Variants in WNT3 observed in about 807,000 individuals in gnomAD.
WNT3 encodes Wnt family member 3, also known as proto-oncogene Wnt-3.
In WNT3, 7 loss-of-function variants were observed where a neutral mutation model predicts 34.2. That is an observed-to-expected ratio of 0.20 (90% CI 0.12 to 0.38). The LOEUF is 0.38. Among genes scored for constraint, WNT3 ranks in the 10% least tolerant of loss-of-function variants. WNT3 has a pLI of 1.00. For missense variants in WNT3, 267 were observed against 499.8 expected, an observed-to-expected ratio of 0.53 and a Z score of 4.44; for synonymous variants, 212 against 211.5, an observed-to-expected ratio of 1.00 and a Z score of -0.02.
chr17:46,774,017 C>T, intron 1 of WNT3, 108 bp from the exon 2 acceptor site: 1 of 1,470,876 alleles, frequency 6.8e-7, no homozygotes, highest in Non-Finnish European at 9.2e-7. Flanking sequence ...AGGCAGAGGG[C>T]CTGTGCCCTG....
chr17:46,796,673 G>A (rs779646294), intron 1 of WNT3, among the ~76,000 whole-genome samples: 16 of 152,292 alleles, frequency 1.1e-4, no homozygotes, highest in South Asian at 8.3e-4. Flanking sequence ...GACCTAAGAC[G>A]GGAGAATGAT....
intron 1 of WNT3, among the ~76,000 whole-genome samples, chr17:46,777,218 A>G (rs1019158418): frequency 2.0e-5 from 3 of 152,232 alleles, no homozygotes; most frequent in African/African-American, 7.2e-5. Context: ...TCAAAAAAAA[A>G]AAAGAAAAAG....
chr17:46,785,297 C>A (rs2059494678), intron 1 of WNT3, among the ~76,000 whole-genome samples: 1 of 152,208 alleles, frequency 6.6e-6, no homozygotes, highest in Non-Finnish European at 1.5e-5. Context: ...TTTGGCCAGC[C>A]CTTCCTGGAC....
intron 1 of WNT3, among the ~76,000 whole-genome samples, chr17:46,788,067 A>G (rs1013440675): frequency 1.1e-4 from 17 of 152,040 alleles, no homozygotes; most frequent in African/African-American, 3.6e-4. Context: ...GACTTCAAGG[A>G]ATAGGTGTGC....
At chr17:46,800,515 G>A (rs1357381297) in intron 1 of WNT3, among the ~76,000 whole-genome samples, 5 of 115,758 alleles carry the variant, frequency 4.3e-5, no homozygotes, top group Non-Finnish European at 6.4e-5. Context: ...CTCAGGGGCT[G>A]ACTCTTACAC....
At chr17:46,816,475 G>GCGCACACA (rs1555689352) in intron 1 of WNT3, among the ~76,000 whole-genome samples, 2 of 144,364 alleles carry the variant, frequency 1.4e-5, no homozygotes, top group South Asian at 2.2e-4. Context: ...CAGAACACAC[G>GCGCACACA]CACACACACA....
chr17:46,806,598 A>T (rs2146454000), intron 1 of WNT3, among the ~76,000 whole-genome samples: 1 of 152,194 alleles, frequency 6.6e-6, no homozygotes, highest in African/African-American at 2.4e-5. Context: ...GAGGTCACAG[A>T]CTCCATCCTT....
chr17:46,774,158 G>T (rs555362568), intron 1 of WNT3, among the ~76,000 whole-genome samples: 8 of 152,372 alleles, frequency 5.3e-5, no homozygotes, highest in African/African-American at 1.9e-4. Flanking sequence ...CCGCTTGTGG[G>T]GGCCCTTGGG....
At chr17:46,799,314 T>A (rs1193690019) in intron 1 of WNT3, among the ~76,000 whole-genome samples, 1 of 152,194 alleles carries the variant, frequency 6.6e-6, no homozygotes, top group Non-Finnish European at 1.5e-5. Flanking sequence ...TTTTCTGTTT[T>A]GGAAGGAATT....
chr17:46,773,619 T>TGGGGGGGGGGGGGGGGGGGGGGGGGGGG, intron 2 of WNT3, 49 bp downstream of exon 2: 1 of 549,848 alleles, frequency 1.8e-6, no homozygotes, highest in Non-Finnish European at 3.2e-6. Flanking sequence ...ACAGTCCTGA[T>TGGGGGGGGGGGGGGGGGGGGGGGGGGGG]CCCTCCCCCC....
At chr17:46,810,050 AG>A (rs1402569418) in intron 1 of WNT3, among the ~76,000 whole-genome samples, 2 of 132,530 alleles carry the variant, frequency 1.5e-5, no homozygotes, top group Non-Finnish European at 3.1e-5. Flanking sequence ...CTTGTTGCCC[AG>A]GCTGGAAGGC....
chr17:46,788,017 G>A (rs1230462998), intron 1 of WNT3, among the ~76,000 whole-genome samples: 1 of 151,920 alleles, frequency 6.6e-6, no homozygotes, highest in African/African-American at 2.4e-5. Flanking sequence ...CCTCAGTGCA[G>A]GTGACCAGTC....
chr17:46,788,076 GC>G (rs1307540790), intron 1 of WNT3, among the ~76,000 whole-genome samples: 2 of 152,122 alleles, frequency 1.3e-5, no homozygotes, highest in Non-Finnish European at 2.9e-5. Context: ...GAATAGGTGT[GC>G]TGAGGGGAAG....
chr17:46,814,163 C>T (rs2084310445), intron 1 of WNT3, among the ~76,000 whole-genome samples: 1 of 152,154 alleles, frequency 6.6e-6, no homozygotes, highest in South Asian at 2.1e-4. Flanking sequence ...GGGTGATACT[C>T]AGACTCCACC....
intron 1 of WNT3, among the ~76,000 whole-genome samples, chr17:46,791,315 G>A (rs1304852383): frequency 6.6e-6 from 1 of 151,946 alleles, no homozygotes; most frequent in Non-Finnish European, 1.5e-5. Context: ...CCAGGTTCAA[G>A]CGATTCTCCT....
intron 3 of WNT3, among the ~76,000 whole-genome samples, chr17:46,769,315 C>CAAAA (rs60504646): frequency 3.9e-5 from 4 of 102,854 alleles, no homozygotes; most frequent in Admixed American, 1.0e-4. Flanking sequence ...GACTCCGTCT[C>CAAAA]AAAAAAAAAA....
Position 46,763,292 on chromosome 17 carries a change from AG to A in WNT3, c.*1337del, listed in dbSNP as rs1286069396. On this transcript the variant is annotated 3_prime_UTR_variant, in exon 5 of 5. Coordinates refer to ENST00000225512, the MANE Select transcript of WNT3 (RefSeq NM_030753.5). ...GAAATCCATGTGCCTCCCTTTTGCT[AG>A]CTTTCTCTAGGACGCTCAGCTGGAC... 6.6e-6 allele frequency: 1 copy of A among 152,250 alleles called. No individual in the cohort carries two copies. Among genetic ancestry groups the A allele is most frequent in the East Asian group, 1.9e-4 (1 of 5,200 alleles). The allele number at this position is 152,250 out of a possible 1,614,324, so 9.4% of individuals were successfully genotyped here.
chr17:46,795,003 G>A (rs537434102), intron 1 of WNT3, among the ~76,000 whole-genome samples: 1 of 151,918 alleles, frequency 6.6e-6, no homozygotes, highest in African/African-American at 2.4e-5. Flanking sequence ...TGCCCGCCTC[G>A]GCCTCCCAAA....
Position 46,802,054 on chromosome 17 carries a change from G to A in WNT3, c.80+16464C>T, listed in dbSNP as rs116735097. Among the ~76,000 whole-genome samples, 1,369 of 152,236 alleles carry A rather than the reference G, an allele frequency of 9.0e-3. 22 individuals are homozygous for A. The highest frequency in any genetic ancestry group is 0.027 in the African/African-American group (1,136 of 41,520). The stretch of plus-strand genomic sequence containing the variant: ...CTGTACACTGACAAGTTGTGTGCTC[G>A]CCTGTACGCATGTTTGTGATATTAT... On this transcript the variant is annotated intron_variant, in intron 1 of 4. Coordinates refer to ENST00000225512, the MANE Select transcript of WNT3 (RefSeq NM_030753.5).
Sources: allele counts gnomAD v4.1 joint callset (sites outside exome capture counted in the v4.1 genomes callset), GRCh38; gene constraint gnomAD v4.1.1; transcripts MANE v1.5; gene names NCBI Gene and HGNC (gene_info 2026-07-23, HGNC 2026-07-21).